Variants in OPCML observed in about 807,000 individuals in gnomAD.
The protein encoded by OPCML is opioid binding protein/cell adhesion molecule like.
Under a neutral mutation model 37.8 loss-of-function variants are expected in OPCML, and 13 were observed. That is an observed-to-expected ratio of 0.34 (90% CI 0.22 to 0.55). The LOEUF (loss-of-function observed/expected upper bound fraction) is 0.55, where lower values mean the gene tolerates loss of function less well. Among genes scored for constraint, OPCML ranks in the 20% least tolerant of loss-of-function variants. The pLI, the probability that OPCML is intolerant of heterozygous loss-of-function variation, is 0.91. For missense variants in OPCML, 341 were observed against 435.6 expected (o/e 0.78, Z 1.93); for synonymous variants, 176 against 168.8 (o/e 1.04, Z -0.33).
intron 2 of OPCML, among the ~76,000 whole-genome samples, chr11:132,916,468 T>A (rs1298352935): frequency 6.6e-6 from 1 of 152,198 alleles, no homozygotes; most frequent in East Asian, 1.9e-4. Context: ...CCATTAGAGT[T>A]GTCAAGGTGG....
chr11:132,880,593 C>T (rs1184454235), intron 2 of OPCML, among the ~76,000 whole-genome samples: 1 of 152,134 alleles, frequency 6.6e-6, no homozygotes, highest in African/African-American at 2.4e-5. Context: ...GAATGTAAAA[C>T]ATTGTTAGGC....
intron 1 of OPCML, among the ~76,000 whole-genome samples, chr11:133,373,681 A>C (rs1334756425): frequency 6.6e-6 from 1 of 151,898 alleles, no homozygotes; most frequent in Admixed American, 6.6e-5. Context: ...AAATTAAGTG[A>C]CATCTGAAAG....
intron 1 of OPCML, among the ~76,000 whole-genome samples, chr11:133,452,186 T>A (rs1744208969): frequency 1.3e-5 from 2 of 151,556 alleles, no homozygotes; most frequent in South Asian, 4.1e-4. Context: ...ACTCAGATGA[T>A]GGAATCAGTA....
At chr11:132,977,817 G>A (rs936903324) in intron 1 of OPCML, among the ~76,000 whole-genome samples, 2 of 152,158 alleles carry the variant, frequency 1.3e-5, no homozygotes, top group African/African-American at 4.8e-5. Context: ...ATGCTATGGA[G>A]AATAGGACAA....
chr11:133,016,294 T>G (rs1332445223), intron 1 of OPCML, among the ~76,000 whole-genome samples: 2 of 152,190 alleles, frequency 1.3e-5, no homozygotes, highest in African/African-American at 4.8e-5. Flanking sequence ...GAAGATCTGC[T>G]TCACACTTTC....
intron 4 of OPCML, among the ~76,000 whole-genome samples, chr11:132,526,711 C>T (rs1313770243): frequency 6.6e-6 from 1 of 152,088 alleles, no homozygotes; most frequent in Non-Finnish European, 1.5e-5. Flanking sequence ...TCATTATTGT[C>T]TACATTTCGG....
intron 2 of OPCML, among the ~76,000 whole-genome samples, chr11:132,925,277 T>C (rs2136605663): frequency 6.6e-6 from 1 of 152,358 alleles, no homozygotes; most frequent in South Asian, 2.1e-4. Context: ...CTTATGCTGA[T>C]GTTTTCTCTG....
intron 1 of OPCML, among the ~76,000 whole-genome samples, chr11:133,425,593 A>T (rs1945985668): frequency 6.6e-6 from 1 of 152,166 alleles, no homozygotes; most frequent in South Asian, 2.1e-4. Flanking sequence ...TTCTATCCTT[A>T]CAACACCCAA....
intron 3 of OPCML, among the ~76,000 whole-genome samples, chr11:132,626,653 G>A (rs1279504403): frequency 3.3e-5 from 5 of 150,934 alleles, no homozygotes; most frequent in Non-Finnish European, 7.4e-5. Flanking sequence ...AGTGGCTTTA[G>A]GATTAGAACA....
At chr11:132,564,135 C>T (rs1449406525) in intron 3 of OPCML, among the ~76,000 whole-genome samples, 5 of 152,206 alleles carry the variant, frequency 3.3e-5, no homozygotes, top group African/African-American at 1.2e-4. Context: ...CCTGCTCTCC[C>T]GATTGATCTT....
In OPCML at chr11:133,211,739, C is replaced by A. The variant is rs1184844916; in HGVS notation, c.62-268729G>T. Among the ~76,000 whole-genome samples, 1 of 152,218 alleles carries A rather than the reference C, an allele frequency of 6.6e-6. No homozygotes were observed. Among genetic ancestry groups the A allele is most frequent in the African/African-American group, 2.4e-5 (1 of 41,442 alleles). On this transcript the variant is annotated intron_variant, in intron 1 of 7. Coordinates refer to ENST00000524381, the MANE Select transcript of OPCML (RefSeq NM_001012393.5). The surrounding 1 kb of genome is among the most constrained non-coding windows in gnomAD (Gnocchi z 4.1). ...TGGACTAAATCATCGTGAGCATCATCATTTATTATACCATCACCATTATCA... is the reference window on the plus strand; with the variant it reads ...TGGACTAAATCATCGTGAGCATCATAATTTATTATACCATCACCATTATCA...
intron 1 of OPCML, among the ~76,000 whole-genome samples, chr11:133,179,522 G>A (rs539356466): frequency 7.2e-5 from 11 of 152,226 alleles, no homozygotes; most frequent in Admixed American, 5.2e-4. Flanking sequence ...CAGGGAGAGC[G>A]GCACTCTCTT....
In OPCML at chr11:132,581,536, A is replaced by C. The variant is rs532960690; in HGVS notation, c.380-52350T>G. On this transcript the variant is annotated intron_variant, in intron 3 of 7. Coordinates refer to ENST00000524381, the MANE Select transcript of OPCML (RefSeq NM_001012393.5). ...GGTAACAAAATTTGTTTTGAAAAGT[A>C]AATTATTTTGCTGGCCTCTGATGGC... Among the ~76,000 whole-genome samples the C allele has an allele frequency of 2.4e-4, 37 of 152,304 alleles. No homozygotes were observed. In the South Asian group the frequency reaches 7.7e-3, roughly 32 times the overall value.
chr11:133,057,724 C>T (rs565171126), intron 1 of OPCML, among the ~76,000 whole-genome samples: 3 of 152,292 alleles, frequency 2.0e-5, no homozygotes, highest in Non-Finnish European at 4.4e-5. Context: ...CTGCCCACAC[C>T]TCTGTCATCG....
At chr11:132,457,715 C>A (rs1056141119) in intron 4 of OPCML, among the ~76,000 whole-genome samples, 1 of 152,186 alleles carries the variant, frequency 6.6e-6, no homozygotes, top group African/African-American at 2.4e-5. Flanking sequence ...GGCCTGCCAC[C>A]CAGATTCCCA....
chr11:132,449,671 G>A (rs2096063815), intron 4 of OPCML, among the ~76,000 whole-genome samples: 2 of 152,132 alleles, frequency 1.3e-5, no homozygotes, highest in Non-Finnish European at 1.5e-5. Context: ...CGGCAGCTCA[G>A]CACCAACAGG....
At chr11:133,010,568 TTAG>T (rs1165806293) in intron 1 of OPCML, among the ~76,000 whole-genome samples, 1 of 152,212 alleles carries the variant, frequency 6.6e-6, no homozygotes, top group Non-Finnish European at 1.5e-5. Context: ...GATTAATGAA[TTAG>T]TGGTGATATG....
chr11:133,111,663 A>C (rs1320057793), intron 1 of OPCML, among the ~76,000 whole-genome samples: 1 of 152,198 alleles, frequency 6.6e-6, no homozygotes, highest in Non-Finnish European at 1.5e-5. Flanking sequence ...CTGCCTAGGA[A>C]AACAATGAAC....
chr11:133,532,396 CTG>C lies in OPCML; in HGVS notation c.-74_-73del. On this transcript the variant is annotated 5_prime_UTR_variant, in exon 1 of 8. Coordinates refer to ENST00000524381, the MANE Select transcript of OPCML (RefSeq NM_001012393.5). Reference sequence around the variant, plus strand: ...CTGCTGCTACCGCTGCTGCCTTCCTCTGTGCTGAATTCTGAGCAGGTTTAAAT... The same window carrying C: ...CTGCTGCTACCGCTGCTGCCTTCCTCTGCTGAATTCTGAGCAGGTTTAAAT... 2 of 1,556,452 alleles carry C rather than the reference CTG, an allele frequency of 1.3e-6. No homozygotes were observed. The highest frequency in any genetic ancestry group is 1.8e-6 in the Non-Finnish European group (2 of 1,140,520).
Sources: gnomAD v4.1 joint callset for allele counts (sites outside exome capture counted in the v4.1 genomes callset) on GRCh38, gnomAD v4.1.1 for gene constraint, Gnocchi (gnomAD v3.1) non-coding constraint, MANE v1.5 for transcripts, NCBI Gene and HGNC (gene_info 2026-07-23, HGNC 2026-07-21) for gene names.